GSG1L: variants seen among roughly 807,000 people sequenced by gnomAD.
GSG1L encodes the protein germ cell-specific gene 1-like protein.
A neutral mutation model predicts 42.1 loss-of-function variants in GSG1L; 24 were observed. That is an observed-to-expected ratio of 0.57 (90% CI 0.41 to 0.80). GSG1L has a LOEUF of 0.80. Ranked by LOEUF, GSG1L falls within the 30% of genes least tolerant of loss-of-function variation. The pLI, the probability that GSG1L is intolerant of heterozygous loss-of-function variation, is 0.00. For missense variants in GSG1L, 445 were observed against 472.2 expected, an observed-to-expected ratio of 0.94 and a Z score of 0.53; for synonymous variants, 215 against 203.5, an observed-to-expected ratio of 1.06 and a Z score of -0.48.
intron 1 of GSG1L, among the ~76,000 whole-genome samples, chr16:27,999,523 G>A (rs1363371046): frequency 1.3e-5 from 2 of 152,238 alleles, no homozygotes; most frequent in African/African-American, 2.4e-5. Flanking sequence ...CACATCCCTG[G>A]CCCATCATGG....
At chr16:28,049,661 T>C (rs1330033371) in intron 1 of GSG1L, among the ~76,000 whole-genome samples, 1 of 149,672 alleles carries the variant, frequency 6.7e-6, no homozygotes, top group Non-Finnish European at 1.5e-5. Flanking sequence ...CACTCCAGCC[T>C]GGGCAACACA....
chr16:27,997,309 CTTTTTTTTTTT>C (rs34188570), intron 1 of GSG1L, among the ~76,000 whole-genome samples: 5 of 70,594 alleles, frequency 7.1e-5, no homozygotes, highest in Non-Finnish European at 8.6e-5. Flanking sequence ...GTGTTCTCCA[CTTTTTTTTTTT>C]TTTTTTTTTT....
intron 6 of GSG1L, among the ~76,000 whole-genome samples, chr16:27,799,326 G>A (rs2082856490): frequency 6.6e-6 from 1 of 151,826 alleles, no homozygotes; most frequent in Non-Finnish European, 1.5e-5. Context: ...TTGAGGCCAG[G>A]AGTTCGAGAC....
chr16:27,884,336 T>C lies in GSG1L; in HGVS notation c.550+150A>G. 1.5e-6 allele frequency: 1 copy of C among 689,014 alleles called. No homozygotes were observed. The highest frequency in any genetic ancestry group is 2.4e-6 in the Non-Finnish European group (1 of 422,328). The allele number at this position is 689,014 out of a possible 1,614,324, so 42.7% of individuals were successfully genotyped here. A position where few individuals can be genotyped will look rare whatever the true frequency, so the allele number is the denominator to read the frequency against. ...TATTAGATGCTCAGTCAATATGCAT[T>C]GGTCATTTTTTACAAACGATAAAAC... On this transcript the variant is annotated intron_variant, in intron 3 of 6. Transcript: ENST00000447459. The surrounding 1 kb of genome is among the most constrained non-coding windows in gnomAD (Gnocchi z 4.4).
intron 1 of GSG1L, among the ~76,000 whole-genome samples, chr16:28,003,840 CA>C (rs2085607118): frequency 2.0e-5 from 3 of 152,210 alleles, no homozygotes; most frequent in African/African-American, 2.4e-5. Flanking sequence ...CTCAGGGCAA[CA>C]TGGACCCCAG....
At chr16:28,054,173 G>T (rs2086253114) in intron 1 of GSG1L, among the ~76,000 whole-genome samples, 1 of 152,158 alleles carries the variant, frequency 6.6e-6, no homozygotes, top group Admixed American at 6.5e-5. Flanking sequence ...CATGGGACAA[G>T]GCTGCCACGG....
rs1278739012 is a variant in GSG1L, at chr16:27,963,198, T to C, written c.355A>G (p.Lys119Glu). The change falls in exon 2 of 7, where the codon AAA (lysine) becomes GAA (glutamate). Residue 119 changes from lysine to glutamate, a missense_variant. Transcript: ENST00000447459. ...CEEELSGLGE[K>E]CRSFIDLAPA... ...GCCAGGTCAATGAAGCTGCGACATTTTTCACCTTTGAAAAGAAGAGAAGCG... is the reference window on the plus strand; with the variant it reads ...GCCAGGTCAATGAAGCTGCGACATTCTTCACCTTTGAAAAGAAGAGAAGCG... The C allele has an allele frequency of 6.2e-7, 1 of 1,613,874 alleles. No homozygotes were observed. The highest frequency in any genetic ancestry group is 8.5e-7 in the Non-Finnish European group (1 of 1,179,814).
intron 1 of GSG1L, among the ~76,000 whole-genome samples, chr16:28,053,711 G>A (rs920959500): frequency 3.3e-5 from 5 of 152,108 alleles, no homozygotes; most frequent in Admixed American, 2.0e-4. Context: ...CTCCCTGTGT[G>A]TGAGTGCACG....
intron 5 of GSG1L, among the ~76,000 whole-genome samples, chr16:27,815,851 T>C (rs1467906710): frequency 6.6e-6 from 1 of 152,216 alleles, no homozygotes; most frequent in African/African-American, 2.4e-5. Context: ...GGCTCATGCC[T>C]GTAGTCCCAA....
chr16:27,876,098 A>G (rs985849398), intron 3 of GSG1L, among the ~76,000 whole-genome samples: 4 of 152,174 alleles, frequency 2.6e-5, no homozygotes, highest in South Asian at 4.2e-4. Context: ...ATATGTAAAT[A>G]TTCATCTTTC....
intron 1 of GSG1L, among the ~76,000 whole-genome samples, chr16:28,025,079 C>T (rs1054367281): frequency 1.3e-5 from 2 of 152,236 alleles, no homozygotes; most frequent in Non-Finnish European, 2.9e-5. Flanking sequence ...GAAAGCCCCA[C>T]TCCAAGGTTC....
chr16:28,007,759 A>T (rs1190933170), intron 1 of GSG1L, among the ~76,000 whole-genome samples: 2 of 151,918 alleles, frequency 1.3e-5, no homozygotes, highest in African/African-American at 2.4e-5. Flanking sequence ...CAAGTGATCC[A>T]CCCACTTCAG....
At chr16:27,844,771 C>T (rs2083423718) in intron 4 of GSG1L, among the ~76,000 whole-genome samples, 179 bp downstream of exon 4, 1 of 152,118 alleles carries the variant, frequency 6.6e-6, no homozygotes, top group Admixed American at 6.6e-5. Flanking sequence ...GACCCACAGG[C>T]CCTAGTTTGC....
chr16:27,946,685 A>AAAGG (rs2084876652), intron 2 of GSG1L, among the ~76,000 whole-genome samples: 1 of 148,128 alleles, frequency 6.8e-6, no homozygotes, highest in African/African-American at 2.5e-5. Context: ...AGAAAGAAAG[A>AAAGG]AAGAAAGAAT....
chr16:28,061,408 T>C (rs2086338300), intron 1 of GSG1L, among the ~76,000 whole-genome samples: 1 of 152,140 alleles, frequency 6.6e-6, no homozygotes, highest in Non-Finnish European at 1.5e-5. Context: ...CAGGTCCATA[T>C]TCAAACACCA....
At chr16:27,839,554 A>T (rs1458775392) in intron 4 of GSG1L, among the ~76,000 whole-genome samples, 4 of 152,236 alleles carry the variant, frequency 2.6e-5, no homozygotes, top group African/African-American at 7.2e-5. Flanking sequence ...AAATTCCTGC[A>T]AGGTCAGGCA....
chr16:27,855,997 C>T (rs1386867646), intron 3 of GSG1L, among the ~76,000 whole-genome samples: 1 of 152,128 alleles, frequency 6.6e-6, no homozygotes, highest in African/African-American at 2.4e-5. Context: ...GTGGGGCTCA[C>T]CCCTCTGCGG....
chr16:27,936,575 C>T (rs1472827441), intron 2 of GSG1L, among the ~76,000 whole-genome samples: 1 of 152,158 alleles, frequency 6.6e-6, no homozygotes, highest in African/African-American at 2.4e-5. Context: ...GCTTCTCGTA[C>T]AGCCTGCAGA....
At chr16:27,823,180 C>T (rs116549852) in intron 5 of GSG1L, among the ~76,000 whole-genome samples, 6 of 152,120 alleles carry the variant, frequency 3.9e-5, no homozygotes, top group Admixed American at 6.5e-5. Context: ...AAGGAGGGGA[C>T]GACAGGCAGG....
Sources: allele counts gnomAD v4.1 joint callset (sites outside exome capture counted in the v4.1 genomes callset), GRCh38; gene constraint gnomAD v4.1.1; non-coding constraint Gnocchi (gnomAD v3.1); transcripts MANE v1.5; gene names NCBI Gene and HGNC (gene_info 2026-07-23, HGNC 2026-07-21).